Variants in EPB41L4A observed in about 807,000 individuals in gnomAD.
EPB41L4A encodes band 4.1-like protein 4A.
In EPB41L4A, 100 loss-of-function variants were observed where a neutral mutation model predicts 108.6. The observed-to-expected ratio is 0.92, with a 90% confidence interval of 0.78 to 1.09. EPB41L4A has a LOEUF of 1.09. Ranked by LOEUF, EPB41L4A falls within the 50% of genes least tolerant of loss-of-function variation. The probability of loss-of-function intolerance (pLI) is 0.00; values close to 1 mark genes in which losing one functional copy is unlikely to be tolerated. For synonymous variants in EPB41L4A, 319 were observed against 289.0 expected, an observed-to-expected ratio of 1.10 and a Z score of -1.05; for missense variants, 1,030 against 842.7, an observed-to-expected ratio of 1.22 and a Z score of -2.75.
At chr5:112,417,226 GTTTC>G (rs1233526850) in intron 1 of EPB41L4A, among the ~76,000 whole-genome samples, 4 of 152,178 alleles carry the variant, frequency 2.6e-5, no homozygotes, top group Non-Finnish European at 4.4e-5. Context: ...TTTGATTCAT[GTTTC>G]TTTGACAAAA....
At chr5:112,399,841 T>C (rs893214854) in intron 1 of EPB41L4A, among the ~76,000 whole-genome samples, 2 of 152,194 alleles carry the variant, frequency 1.3e-5, no homozygotes, top group African/African-American at 4.8e-5. Flanking sequence ...GGAGCTCCAG[T>C]GGGCATCCCT....
At chr5:112,309,738 G>C (rs1286690399) in intron 1 of EPB41L4A, among the ~76,000 whole-genome samples, 4 of 152,142 alleles carry the variant, frequency 2.6e-5, no homozygotes, top group Non-Finnish European at 5.9e-5. Context: ...CTAATCAAAT[G>C]GGCTCTAAAA....
chr5:112,243,275 G>GTA (rs112296906), intron 9 of EPB41L4A, among the ~76,000 whole-genome samples: 35,116 of 130,476 alleles, frequency 0.27, 4,425 homozygotes, highest in East Asian at 0.33. Flanking sequence ...ATATGTGTGT[G>GTA]TATATATATA....
chr5:112,356,262 A>G (rs187166147), intron 1 of EPB41L4A, among the ~76,000 whole-genome samples: 1,744 of 152,264 alleles, frequency 0.011, 27 homozygotes, highest in South Asian at 0.038. Context: ...CACAACAGAA[A>G]ACCAAAATAA....
chr5:112,144,867 A>T (rs956364664), intron 13 of EPB41L4A, among the ~76,000 whole-genome samples: 1 of 152,154 alleles, frequency 6.6e-6, no homozygotes, highest in Non-Finnish European at 1.5e-5. Flanking sequence ...AGGTTATAGC[A>T]CCTAGAATTG....
Position 112,197,811 on chromosome 5 carries a change from C to G in EPB41L4A, c.1377-2103G>C, listed in dbSNP as rs182919726. 2.0e-5 allele frequency among the ~76,000 whole-genome samples: 3 copies of G among 152,282 alleles called. No homozygotes were observed. The East Asian group carries it at 5.8e-4, about 29-fold the overall frequency. On this transcript the variant is annotated intron_variant, in intron 15 of 22. Coordinates refer to ENST00000261486, the MANE Select transcript of EPB41L4A (RefSeq NM_022140.5). ...CCTACATCTCCAGGTCTTTTGGCTA[C>G]TTGTCTGGGTTTTGGTAAAGTGTAT...
chr5:112,328,327 T>TG (rs1304702641), intron 1 of EPB41L4A, among the ~76,000 whole-genome samples: 1 of 151,980 alleles, frequency 6.6e-6, no homozygotes, highest in African/African-American at 2.4e-5. Flanking sequence ...TAAAAAATCT[T>TG]GGGGGAGAAA....
At chr5:112,289,130 G>A (rs1207433800) in intron 2 of EPB41L4A, among the ~76,000 whole-genome samples, 1 of 152,144 alleles carries the variant, frequency 6.6e-6, no homozygotes, top group Non-Finnish European at 1.5e-5. Flanking sequence ...CTGACCAAGA[G>A]TAAAAACAGT....
chr5:112,252,402 G>C (rs79650386), intron 9 of EPB41L4A, among the ~76,000 whole-genome samples: 6 of 151,994 alleles, frequency 3.9e-5, no homozygotes, highest in African/African-American at 1.5e-4. Flanking sequence ...AGAGCTCCTC[G>C]GAAGAATGGC....
intron 11 of EPB41L4A, among the ~76,000 whole-genome samples, chr5:112,238,333 C>T (rs570844998): frequency 3.9e-5 from 6 of 152,280 alleles, no homozygotes; most frequent in African/African-American, 1.4e-4. Context: ...AAAGGTTAAA[C>T]ATTAACATAT....
intron 12 of EPB41L4A, among the ~76,000 whole-genome samples, chr5:112,212,742 A>G (rs1293501175): frequency 6.6e-6 from 1 of 152,162 alleles, no homozygotes; most frequent in East Asian, 1.9e-4. Flanking sequence ...GGGCCACAGC[A>G]GAGAGACCAA....
chr5:112,323,623 T>C (rs2150633606), intron 1 of EPB41L4A, among the ~76,000 whole-genome samples: 1 of 152,356 alleles, frequency 6.6e-6, no homozygotes, highest in Middle Eastern at 3.4e-3. Context: ...TATATGTCCC[T>C]GCGTTGAACA....
chr5:112,301,995 T>C (rs1754390968), intron 2 of EPB41L4A, among the ~76,000 whole-genome samples: 1 of 152,074 alleles, frequency 6.6e-6, no homozygotes. Flanking sequence ...TAAATGTTTC[T>C]GATTTTTAAA....
rs544397464 is a variant in EPB41L4A at position 112,238,279 on chromosome 5, T to A, written c.965+1381A>T. Among the ~76,000 whole-genome samples, 7 of 152,280 alleles carry A rather than the reference T, an allele frequency of 4.6e-5. No homozygotes were observed. The East Asian group carries it at 1.4e-3, about 29-fold the overall frequency. ...AAATGTAAACAATACTTCCTTAAAT[T>A]CTTCATAATTGTATCACTGTCTACA... On this transcript the variant is annotated intron_variant, in intron 11 of 22. Coordinates refer to ENST00000261486, the MANE Select transcript of EPB41L4A (RefSeq NM_022140.5).
At chr5:112,397,148 C>T (rs1056960450) in intron 1 of EPB41L4A, among the ~76,000 whole-genome samples, 3 of 152,082 alleles carry the variant, frequency 2.0e-5, no homozygotes, top group African/African-American at 7.2e-5. Context: ...ACTATATGTA[C>T]CCATTGTTTA....
At chr5:112,209,840 G>T in intron 13 of EPB41L4A, 52 bp downstream of exon 13, 2 of 1,146,544 alleles carry the variant, frequency 1.7e-6, no homozygotes, top group African/African-American at 1.6e-5. Flanking sequence ...CAGAAAAAAA[G>T]CATTTTTACA....
rs187777656 is a variant in EPB41L4A, at chr5:112,240,727, T to C, written c.879A>G (p.Thr293=). Reference sequence around the variant, plus strand: ...TTTTTACATCAATTTACCTAAAAAATGTATGATGTTCCACACTGCACTTCC... The same window carrying C: ...TTTTTACATCAATTTACCTAAAAAACGTATGATGTTCCACACTGCACTTCC... The part of the protein sequence containing the change: ...HLWKCSVEHH[T]FFRMPENESN... Residue 293 remains threonine (T), a synonymous_variant, in exon 10 of 23, where the codon ACA becomes ACG. Transcript: ENST00000261486. 5.6e-3 allele frequency: 8,689 copies of C among 1,538,406 alleles called. 35 individuals carry two copies. Among genetic ancestry groups the C allele is most frequent in the Non-Finnish European group, 6.8e-3 (7,876 of 1,151,196 alleles).
intron 17 of EPB41L4A, among the ~76,000 whole-genome samples, chr5:112,186,221 A>G (rs1761421145): frequency 6.6e-6 from 1 of 152,188 alleles, no homozygotes. Flanking sequence ...GGGCGTCTAA[A>G]TATTTTTGAG....
chr5:112,222,676 T>C (rs1473745987), intron 12 of EPB41L4A, among the ~76,000 whole-genome samples: 1 of 152,216 alleles, frequency 6.6e-6, no homozygotes, highest in South Asian at 2.1e-4. Flanking sequence ...AAGCTGTACC[T>C]GGTACCTGGA....
Sources: allele counts gnomAD v4.1 joint callset (sites outside exome capture counted in the v4.1 genomes callset), GRCh38; gene constraint gnomAD v4.1.1; transcripts MANE v1.5; gene names NCBI Gene and HGNC (gene_info 2026-07-23, HGNC 2026-07-21).